ARHGAP10: variants seen among roughly 807,000 people sequenced by gnomAD.
ARHGAP10 encodes Rho GTPase activating protein 10.
Under a neutral mutation model 108.6 loss-of-function variants are expected in ARHGAP10, and 87 were observed. That is an observed-to-expected ratio of 0.80 (90% CI 0.67 to 0.96). ARHGAP10 has a LOEUF of 0.96. Among genes scored for constraint, ARHGAP10 ranks in the 40% least tolerant of loss-of-function variants. The pLI is 0.00. For synonymous variants in ARHGAP10, 347 were observed against 341.1 expected (o/e 1.02, Z -0.19); for missense variants, 939 against 954.5 (o/e 0.98, Z 0.21).
At chr4:148,017,002 A>C (rs2149658937) in intron 18 of ARHGAP10, among the ~76,000 whole-genome samples, 1 of 151,880 alleles carries the variant, frequency 6.6e-6, no homozygotes, top group South Asian at 2.1e-4. Context: ...AAAAAAAAAA[A>C]AAACCAGCTG....
chr4:147,746,921 T>G (rs1432570792), intron 1 of ARHGAP10, among the ~76,000 whole-genome samples: 1 of 152,176 alleles, frequency 6.6e-6, no homozygotes, highest in Non-Finnish European at 1.5e-5. Context: ...CACATTCTTT[T>G]TCTGGTTGAT....
intron 19 of ARHGAP10, among the ~76,000 whole-genome samples, chr4:148,029,059 T>C (rs1029313376): frequency 6.6e-6 from 1 of 152,128 alleles, no homozygotes; most frequent in South Asian, 2.1e-4. Flanking sequence ...CTTTGAAAAA[T>C]AGGTTTAGTA....
At chr4:147,906,198 A>G (rs1378542269) in intron 10 of ARHGAP10, among the ~76,000 whole-genome samples, 1 of 152,330 alleles carries the variant, frequency 6.6e-6, no homozygotes, top group South Asian at 2.1e-4. Context: ...TACCTGAAAG[A>G]ATTGAAAGCA....
At chr4:147,980,007 T>C (rs1739749493) in intron 18 of ARHGAP10, among the ~76,000 whole-genome samples, 1 of 152,186 alleles carries the variant, frequency 6.6e-6, no homozygotes. Context: ...GACTTCATCT[T>C]TTCCTATTTG....
Position 147,946,820 on chromosome 4 carries a change from G to A in ARHGAP10, c.1391+116G>A, listed in dbSNP as rs879051066. On this transcript the variant is annotated intron_variant, in intron 15 of 22. Coordinates refer to ENST00000336498, the MANE Select transcript of ARHGAP10 (RefSeq NM_024605.4). ...TTAAATTAAGCCTTATTTTAAAAAG[G>A]GAAAATTTATCAGGTGTCTCAGTGT... 22 of 781,426 alleles carry A rather than the reference G, an allele frequency of 2.8e-5. No individual in the cohort carries two copies. In the South Asian group the frequency reaches 6.7e-4, roughly 24 times the overall value. 48.4% of individuals were successfully genotyped at this position (781,426 alleles called of 1,614,324 possible).
intron 19 of ARHGAP10, among the ~76,000 whole-genome samples, chr4:148,025,372 T>C (rs567650362): frequency 6.6e-6 from 1 of 152,260 alleles, no homozygotes; most frequent in African/African-American, 2.4e-5. Flanking sequence ...TTGGGATTTT[T>C]TTTTTTAAGT....
chr4:148,071,629 A>G (rs908463821), intron 22 of ARHGAP10, among the ~76,000 whole-genome samples: 5 of 105,716 alleles, frequency 4.7e-5, no homozygotes, highest in South Asian at 3.5e-4. Flanking sequence ...AAGAAAACAA[A>G]CAAACAAACA....
rs1739220163 is a variant in ARHGAP10 at position 147,966,786 on chromosome 4, G to A, written c.1663G>A (p.Asp555Asn). ...GGAAGAAACTGTCGCTGCCCTCATG[G>A]ACTTGAAGTTTCAGAATATTGTTGT... ...PQEETVAALM[D>N]LKFQNIVVEI... The change falls in exon 18 of 23, where the codon GAC becomes AAC. Residue 555 changes from aspartate (D) to asparagine (N), a missense_variant. By Grantham distance (23) the Asp-to-Asn change is conservative (BLOSUM62 1). Coordinates refer to ENST00000336498, the MANE Select transcript of ARHGAP10 (RefSeq NM_024605.4). 4 of 1,600,040 alleles carry A rather than the reference G, an allele frequency of 2.5e-6. No homozygotes were observed. Among genetic ancestry groups the A allele is most frequent in the Non-Finnish European group, 2.6e-6 (3 of 1,170,358 alleles).
chr4:147,796,055 G>A (rs1024086548), intron 1 of ARHGAP10, among the ~76,000 whole-genome samples: 2 of 152,054 alleles, frequency 1.3e-5, no homozygotes, highest in African/African-American at 4.8e-5. Flanking sequence ...TTAATTTTTA[G>A]ACTTCTCAAA....
chr4:148,003,568 A>G (rs1254867710), intron 18 of ARHGAP10, among the ~76,000 whole-genome samples: 2 of 151,910 alleles, frequency 1.3e-5, no homozygotes, highest in African/African-American at 4.8e-5. Context: ...TAGGTCTCTA[A>G]GGACTTGCTT....
intron 11 of ARHGAP10, among the ~76,000 whole-genome samples, chr4:147,907,690 T>A (rs6811769): frequency 0.69 from 105,341 of 152,114 alleles, 43,156 homozygotes; most frequent in Non-Finnish European, 0.91. Flanking sequence ...CTTGAAGTAC[T>A]TGGAAAATGA....
At chr4:148,022,553 G>T (rs1025610220) in intron 18 of ARHGAP10, among the ~76,000 whole-genome samples, 1 of 152,160 alleles carries the variant, frequency 6.6e-6, no homozygotes, top group Non-Finnish European at 1.5e-5. Context: ...TTTCTTTGTG[G>T]CACAAATTGC....
intron 18 of ARHGAP10, among the ~76,000 whole-genome samples, chr4:147,980,244 T>C (rs1190671465): frequency 1.3e-5 from 2 of 152,178 alleles, no homozygotes; most frequent in Non-Finnish European, 2.9e-5. Context: ...CTTTTTATCA[T>C]AAAGACATAT....
At chr4:147,834,060 G>A (rs1287064000) in intron 3 of ARHGAP10, among the ~76,000 whole-genome samples, 1 of 152,164 alleles carries the variant, frequency 6.6e-6, no homozygotes, top group African/African-American at 2.4e-5. Flanking sequence ...TAAATAAAAG[G>A]AATTTGTTTC....
At chr4:147,811,714 A>G (rs1300570073) in intron 1 of ARHGAP10, among the ~76,000 whole-genome samples, 2 of 152,186 alleles carry the variant, frequency 1.3e-5, no homozygotes, top group Non-Finnish European at 2.9e-5. Context: ...ATGTTTTACA[A>G]GTTGACATTT....
intron 1 of ARHGAP10, among the ~76,000 whole-genome samples, chr4:147,815,377 G>A (rs1732194625): frequency 6.6e-6 from 1 of 152,108 alleles, no homozygotes; most frequent in African/African-American, 2.4e-5. Flanking sequence ...GTGATGTCCT[G>A]TCCTAATCAT....
In ARHGAP10 at chr4:147,893,914, C is replaced by T. The variant is rs1006929607; in HGVS notation, c.1034+11982C>T. ...GTAAGAATTTTCCCTAAAGATGATA[C>T]TGTTGATGGTGATGTATTGAAAGAC... On this transcript the variant is annotated intron_variant, in intron 10 of 22. Coordinates refer to ENST00000336498, the MANE Select transcript of ARHGAP10 (RefSeq NM_024605.4). Among the ~76,000 whole-genome samples, 5 of 152,026 alleles carry T rather than the reference C, an allele frequency of 3.3e-5. No homozygotes were observed. The South Asian group carries it at 1.0e-3, about 32-fold the overall frequency.
At chr4:147,943,124 G>A (rs1738223022) in intron 14 of ARHGAP10, among the ~76,000 whole-genome samples, 1 of 152,186 alleles carries the variant, frequency 6.6e-6, no homozygotes, top group African/African-American at 2.4e-5. Flanking sequence ...GAACTGATAC[G>A]AGGTAGAATT....
intron 1 of ARHGAP10, among the ~76,000 whole-genome samples, chr4:147,785,207 A>G (rs990483470): frequency 1.3e-5 from 2 of 151,804 alleles, no homozygotes; most frequent in African/African-American, 4.8e-5. Context: ...AGGCATCACT[A>G]AATCTAAAAA....
Sources: gnomAD v4.1 joint callset for allele counts (sites outside exome capture counted in the v4.1 genomes callset) on GRCh38, gnomAD v4.1.1 for gene constraint, MANE v1.5 for transcripts, NCBI Gene and HGNC (gene_info 2026-07-23, HGNC 2026-07-21) for gene names.